Variants in ESR2 observed in about 807,000 individuals in gnomAD.
The protein encoded by ESR2 is estrogen receptor beta.
In ESR2, 36 loss-of-function variants were observed where a neutral mutation model predicts 49.6. The ratio of observed to expected loss-of-function variants is 0.73; its 90% CI spans 0.56 to 0.96. ESR2 has a LOEUF of 0.96. ESR2 is among the 40% of genes least tolerant of loss of function. The pLI is 0.00. For missense variants in ESR2, 714 were observed against 693.0 expected, an observed-to-expected ratio of 1.03 and a Z score of -0.34; for synonymous variants, 320 against 266.1, an observed-to-expected ratio of 1.20 and a Z score of -1.97.
chr14:64,260,685 A>AT lies in ESR2; in HGVS notation c.715_716insA (p.Leu239HisfsTer38). The stretch of plus-strand genomic sequence containing the variant: ...TCTCTTGGCCTTGCCGGCACAGTGC[A>AT]GCTGCTCGTCGGCACTTCTCTGTCT... On this transcript the variant is annotated frameshift_variant, in exon 5 of 9. Coordinates refer to ENST00000341099, the MANE Select transcript of ESR2 (RefSeq NM_001437.3). LOFTEE classifies it high-confidence loss of function. 3 of 1,560,364 alleles carry AT rather than the reference A, an allele frequency of 1.9e-6. No individual in the cohort carries two copies. The highest frequency in any genetic ancestry group is 3.8e-5 in the Admixed American group (2 of 53,320).
rs1876632909 is a variant in ESR2 at position 64,232,123 on chromosome 14, C to T, written c.*1014G>A. ...ACAGTGTGGCCCCAGAGCTGACACA[C>T]TGGGGTGCATAGCTACTCATCCATC... On this transcript the variant is annotated 3_prime_UTR_variant, in exon 9 of 9. Coordinates refer to ENST00000341099, the MANE Select transcript of ESR2 (RefSeq NM_001437.3). 2 of 152,256 alleles carry T rather than the reference C, an allele frequency of 1.3e-5. No individual in the cohort carries two copies. Among genetic ancestry groups the T allele is most frequent in the Non-Finnish European group, 2.9e-5 (2 of 68,072 alleles). 9.4% of individuals were successfully genotyped at this position (152,256 alleles called of 1,614,324 possible).
chr14:64,237,497 ATGTC>A (rs2075629309), intron 7 of ESR2, among the ~76,000 whole-genome samples: 1 of 152,234 alleles, frequency 6.6e-6, no homozygotes, highest in African/African-American at 2.4e-5. Flanking sequence ...AAGCAATACT[ATGTC>A]TGGGAATTCC....
At position 64,228,355 on chromosome 14, in the gene ESR2, A is replaced by C. The variant is rs1049990477; in HGVS notation, c.*4782T>G. The stretch of plus-strand genomic sequence containing the variant: ...AATAATGAAACACTTTATTTATATC[A>C]TGTTAAACTCTCTACGACAGTGCCA... On this transcript the variant is annotated 3_prime_UTR_variant, in exon 9 of 9. Coordinates refer to ENST00000341099, the MANE Select transcript of ESR2 (RefSeq NM_001437.3). 2.0e-5 allele frequency among the ~76,000 whole-genome samples: 3 copies of C among 152,214 alleles called. No homozygotes were observed. The highest frequency in any genetic ancestry group is 7.2e-5 in the African/African-American group (3 of 41,446).
chr14:64,306,133 C>T (rs751277322), intron 1 of ESR2, among the ~76,000 whole-genome samples: 3 of 150,960 alleles, frequency 2.0e-5, no homozygotes, highest in African/African-American at 4.9e-5. Flanking sequence ...CACTTGAACC[C>T]GGGAGGCAGA....
chr14:64,227,436 A>AAG, downstream of ESR2: 1 of 1,404,966 alleles, frequency 7.1e-7, no homozygotes, highest in East Asian at 2.3e-5. Context: ...TCTTTCTTTA[A>AAG]AATTATTTTT....
chr14:64,227,350 A>G, downstream of ESR2: 1 of 665,192 alleles, frequency 1.5e-6, no homozygotes, highest in Non-Finnish European at 2.5e-6. Flanking sequence ...TAGCGTTTAC[A>G]GTTATCAAAT....
At chr14:64,316,563 C>A (rs2077257940) in intron 1 of ESR2, among the ~76,000 whole-genome samples, 1 of 152,082 alleles carries the variant, frequency 6.6e-6, no homozygotes, top group Admixed American at 6.6e-5. Context: ...AATCCCAGCA[C>A]TTTGGGAGGC....
intron 1 of ESR2, among the ~76,000 whole-genome samples, chr14:64,287,249 T>C (rs1281815825): frequency 1.3e-5 from 2 of 152,088 alleles, no homozygotes; most frequent in Admixed American, 6.5e-5. Context: ...ACATTCTGTC[T>C]CTATGGATGT....
rs374264697 is a variant in ESR2, at chr14:64,261,232, C to CTTTTTTTTTTTTTTTTTTTTTTTTTTT, written c.653-485_653-484insAAAAAAAAAAAAAAAAAAAAAAAAAAA. On this transcript the variant is annotated intron_variant, in intron 4 of 8. Coordinates refer to ENST00000341099, the MANE Select transcript of ESR2 (RefSeq NM_001437.3). ...CAGTCTTTTTAATGCTTTTATTTTT[C>CTTTTTTTTTTTTTTTTTTTTTTTTTTT]TTTTTTCTTTTTTTTTTTTTTTTGA... 4.5e-5 allele frequency among the ~76,000 whole-genome samples: 4 copies of CTTTTTTTTTTTTTTTTTTTTTTTTTTT among 88,682 alleles called. 2 individuals are homozygous for CTTTTTTTTTTTTTTTTTTTTTTTTTTT. Among genetic ancestry groups the CTTTTTTTTTTTTTTTTTTTTTTTTTTT allele is most frequent in the African/African-American group, 9.3e-5 (2 of 21,394 alleles). 58.2% of individuals were successfully genotyped at this position (88,682 alleles called of 152,430 possible). A position where few individuals can be genotyped will look rare whatever the true frequency, so the allele number is the denominator to read the frequency against.
chr14:64,324,295 A>T (rs3020444), intron 1 of ESR2, among the ~76,000 whole-genome samples: 3 of 151,910 alleles, frequency 2.0e-5, no homozygotes, highest in African/African-American at 7.3e-5. Flanking sequence ...ATATGTACAC[A>T]GTGAAAAAAC....
At chr14:64,331,502 A>G (rs1462532293) in intron 1 of ESR2, among the ~76,000 whole-genome samples, 1 of 152,170 alleles carries the variant, frequency 6.6e-6, no homozygotes, top group East Asian at 1.9e-4. Context: ...GGAAGGATAG[A>G]AAAAGGGCTG....
chr14:64,257,264 G>T lies in ESR2; in HGVS notation c.1053C>A (p.Pro351=), dbSNP rs747912769. The part of the protein sequence containing the change: ...MGLMWRSIDH[P]GKLIFAPDLV... ...GATCTGGAGCAAAGATGAGCTTGCC[G>T]GGGTGGTCAATTGAGCGCCACATCA... The change falls in exon 6 of 9, where the codon CCC becomes CCA. Residue 351 remains proline (P), a synonymous_variant. Transcript: ENST00000341099. The T allele has an allele frequency of 6.2e-7, 1 of 1,614,000 alleles. No individual in the cohort carries two copies. The highest frequency in any genetic ancestry group is 8.5e-7 in the Non-Finnish European group (1 of 1,180,032).
intron 7 of ESR2, among the ~76,000 whole-genome samples, chr14:64,239,166 C>A (rs1311189935): frequency 6.6e-6 from 1 of 152,206 alleles, no homozygotes; most frequent in Non-Finnish European, 1.5e-5. Context: ...CTCCTGCCCC[C>A]AGCACATGAG....
At chr14:64,323,679 T>G (rs1333022627) in intron 1 of ESR2, among the ~76,000 whole-genome samples, 1 of 152,142 alleles carries the variant, frequency 6.6e-6, no homozygotes, top group African/African-American at 2.4e-5. Flanking sequence ...TTGACCTTAC[T>G]TCATTAAGTC....
At position 64,229,695 on chromosome 14, in the gene ESR2, C is replaced by T. The variant is rs1235204926; in HGVS notation, c.*3442G>A. ...GTTCAGCTCAATCACCTACTCCCCA[C>T]GTGACCTTCAGCAAGTTTGCTTAGA... On this transcript the variant is annotated 3_prime_UTR_variant, in exon 9 of 9. Transcript: ENST00000341099. Among the ~76,000 whole-genome samples the T allele has an allele frequency of 2.0e-5, 3 of 152,208 alleles. No homozygotes were observed. The highest frequency in any genetic ancestry group is 4.1e-4 in the South Asian group (2 of 4,834).
chr14:64,258,285 T>A (rs1416993177), intron 5 of ESR2, among the ~76,000 whole-genome samples: 1 of 152,088 alleles, frequency 6.6e-6, no homozygotes, highest in Admixed American at 6.5e-5. Context: ...ATAACCCATG[T>A]TGGTCACAGT....
At chr14:64,236,510 T>C (rs1000688164) in intron 7 of ESR2, among the ~76,000 whole-genome samples, 2 of 152,046 alleles carry the variant, frequency 1.3e-5, no homozygotes, top group African/African-American at 2.4e-5. Flanking sequence ...TCCCAGCTCA[T>C]AGGATAGAGT....
At chr14:64,250,252 T>C (rs1388239655) in intron 6 of ESR2, among the ~76,000 whole-genome samples, 1 of 152,012 alleles carries the variant, frequency 6.6e-6, no homozygotes, top group African/African-American at 2.4e-5. Flanking sequence ...GAGAAAGAAA[T>C]CGCAATTAGA....
At chr14:64,227,950 A>G, downstream of ESR2, 1 of 1,590,718 alleles carries the variant, frequency 6.3e-7, no homozygotes, top group Non-Finnish European at 8.5e-7. Context: ...TATAATTCTA[A>G]TCAAACTCAG....
Sources: allele counts gnomAD v4.1 joint callset (sites outside exome capture counted in the v4.1 genomes callset), GRCh38; gene constraint gnomAD v4.1.1; transcripts MANE v1.5; gene names NCBI Gene and HGNC (gene_info 2026-07-23, HGNC 2026-07-21).